PCDHA7: variants seen among roughly 807,000 people sequenced by gnomAD.
PCDHA7 encodes protocadherin alpha 7.
Under a neutral mutation model 57.2 loss-of-function variants are expected in PCDHA7, and 37 were observed. That is an observed-to-expected ratio of 0.65 (90% CI 0.50 to 0.85). PCDHA7 has a LOEUF of 0.85. Ranked by LOEUF, PCDHA7 falls within the 40% of genes least tolerant of loss-of-function variation. PCDHA7 has a pLI of 0.00. For missense variants in PCDHA7, 1,188 were observed against 1,241.8 expected (o/e 0.96, Z 0.65); for synonymous variants, 553 against 558.8 (o/e 0.99, Z 0.15).
At chr5:140,865,342 T>G (rs1437907469) in intron 1 of PCDHA7, 1 of 152,202 alleles carries the variant, frequency 6.6e-6, no homozygotes, top group Non-Finnish European at 1.5e-5. Flanking sequence ...AAAGAAATAG[T>G]ATATTTACAT....
intron 1 of PCDHA7, among the ~76,000 whole-genome samples, chr5:140,887,453 T>C (rs2061454477): frequency 6.6e-6 from 1 of 152,178 alleles, no homozygotes; most frequent in Non-Finnish European, 1.5e-5. Flanking sequence ...TGACAGTTTT[T>C]TAAAAGATAT....
chr5:140,984,168 A>C (rs1181991691), intron 3 of PCDHA7, among the ~76,000 whole-genome samples: 1 of 152,204 alleles, frequency 6.6e-6, no homozygotes, highest in Non-Finnish European at 1.5e-5. Context: ...TTCCCAAAGA[A>C]GCCACGTGAA....
chr5:140,877,776 C>A (rs2057336039), intron 1 of PCDHA7: 3 of 1,614,032 alleles, frequency 1.9e-6, no homozygotes, highest in South Asian at 1.1e-5. Context: ...CCAAGACGGA[C>A]CTCATGGCCT....
intron 3 of PCDHA7, among the ~76,000 whole-genome samples, chr5:140,996,183 T>C (rs1360004898): frequency 6.6e-6 from 1 of 152,232 alleles, no homozygotes; most frequent in African/African-American, 2.4e-5. Context: ...AGCACCTCCA[T>C]TTTATACCCT....
chr5:140,876,236 T>C (rs782328225), intron 1 of PCDHA7: 24 of 1,613,974 alleles, frequency 1.5e-5, no homozygotes, highest in Non-Finnish European at 1.4e-5. Flanking sequence ...TCTGAAAATG[T>C]CCAAAACGAC....
At chr5:140,942,821 G>A (rs2093373988) in intron 1 of PCDHA7, among the ~76,000 whole-genome samples, 1 of 151,968 alleles carries the variant, frequency 6.6e-6, no homozygotes, top group African/African-American at 2.4e-5. Flanking sequence ...GTTGGATTTG[G>A]CCCTGTGTCA....
chr5:140,977,266 A>G (rs2096753154), intron 1 of PCDHA7, among the ~76,000 whole-genome samples: 3 of 152,240 alleles, frequency 2.0e-5, no homozygotes, highest in Admixed American at 1.3e-4. Context: ...CAGATGTTAC[A>G]GTCTTTCTCA....
At position 140,869,042 on chromosome 5, in the gene PCDHA7, A is replaced by G. The variant is rs74567119; in HGVS notation, c.2355+32304A>G. On this transcript the variant is annotated intron_variant, in intron 1 of 3. Transcript: ENST00000525929. The stretch of plus-strand genomic sequence containing the variant: ...GAATTCAACGAGATTTTTAACCTGA[A>G]ACTGAAGAATCTGGTACTGTAAGTG... The G allele has an allele frequency of 9.2e-4, 1,413 of 1,529,994 alleles. 13 individuals are homozygous for G. The African/African-American group carries it at 0.016, about 18-fold the overall frequency. The allele number at this position is 1,529,994 out of a possible 1,614,324, so 94.8% of individuals were successfully genotyped here.
chr5:140,944,608 G>A (rs2093673405), intron 1 of PCDHA7, among the ~76,000 whole-genome samples: 1 of 152,176 alleles, frequency 6.6e-6, no homozygotes, highest in Non-Finnish European at 1.5e-5. Flanking sequence ...AGAGTAGTGT[G>A]CTGTAGAAGT....
chr5:140,835,779 G>GAGAACAACCCGCCGGGCTGCCACATCTT lies in PCDHA7; in HGVS notation c.1397_1424dup (p.Phe475LeufsTer133). Reference sequence around the variant, plus strand: ...GCCCGAGTATACGGTGTTCGTGAAGGAGAACAACCCGCCGGGCTGCCACAT... The same window carrying GAGAACAACCCGCCGGGCTGCCACATCTT: ...GCCCGAGTATACGGTGTTCGTGAAGGAGAACAACCCGCCGGGCTGCCACATCTTAGAACAACCCGCCGGGCTGCCACAT... On this transcript the variant is annotated frameshift_variant, in exon 1 of 4. Transcript: ENST00000525929. LOFTEE classifies it high-confidence loss of function. The GAGAACAACCCGCCGGGCTGCCACATCTT allele has an allele frequency of 6.2e-7, 1 of 1,613,360 alleles. No individual in the cohort carries two copies. Among genetic ancestry groups the GAGAACAACCCGCCGGGCTGCCACATCTT allele is most frequent in the Non-Finnish European group, 8.5e-7 (1 of 1,179,792 alleles).
intron 1 of PCDHA7, chr5:140,841,230 G>A: frequency 2.1e-6 from 3 of 1,461,326 alleles, no homozygotes; most frequent in Non-Finnish European, 2.8e-6. Context: ...AACAACGGGA[G>A]ATGCAGCGGA....
At chr5:140,847,344 C>T (rs1478232751) in intron 1 of PCDHA7, 1 of 149,742 alleles carries the variant, frequency 6.7e-6, no homozygotes, top group African/African-American at 2.4e-5. Context: ...ACCTCTTAGG[C>T]TGTTATCAGT....
chr5:140,850,186 C>T lies in PCDHA7; in HGVS notation c.2355+13448C>T, dbSNP rs2150472009. On this transcript the variant is annotated intron_variant, in intron 1 of 3. Transcript: ENST00000525929. ...CTGGACGAGAACGACAATGCGCCGG[C>T]GCTGCTGACACCTCGGATGAGGGGC... 4.4e-6 allele frequency: 7 copies of T among 1,593,614 alleles called. No homozygotes were observed. In the African/African-American group the frequency reaches 5.4e-5, roughly 12 times the overall value.
intron 1 of PCDHA7, among the ~76,000 whole-genome samples, chr5:140,909,815 C>A (rs1168197798): frequency 3.9e-5 from 6 of 152,094 alleles, no homozygotes; most frequent in Non-Finnish European, 8.8e-5. Flanking sequence ...ACTCCATAAG[C>A]CCCTACTTTA....
chr5:140,955,796 A>G (rs1432865248), intron 1 of PCDHA7, among the ~76,000 whole-genome samples: 3 of 152,004 alleles, frequency 2.0e-5, no homozygotes, highest in Non-Finnish European at 4.4e-5. Context: ...ATGTTTTTCT[A>G]TTTGTTTGTG....
chr5:140,929,245 A>G, intron 1 of PCDHA7: 1 of 1,613,774 alleles, frequency 6.2e-7, no homozygotes. Flanking sequence ...AAATCTTGCC[A>G]CTGGGGTAGG....
At chr5:140,854,909 G>C (rs1295662316) in intron 1 of PCDHA7, among the ~76,000 whole-genome samples, 1 of 149,376 alleles carries the variant, frequency 6.7e-6, no homozygotes, top group Non-Finnish European at 1.5e-5. Flanking sequence ...AATATAACAG[G>C]GTTGAAAGCA....
At chr5:140,927,818 A>C (rs1554205106) in intron 1 of PCDHA7, 1 of 1,614,190 alleles carries the variant, frequency 6.2e-7, no homozygotes, top group Admixed American at 1.7e-5. Flanking sequence ...TTGGAGGCAT[A>C]CATTGAGGCG....
intron 1 of PCDHA7, among the ~76,000 whole-genome samples, chr5:140,893,817 C>G (rs951661016): frequency 6.6e-6 from 1 of 151,980 alleles, no homozygotes; most frequent in Admixed American, 6.6e-5. Flanking sequence ...AGTCTGGTAC[C>G]GTAGACTACT....
Sources: allele counts gnomAD v4.1 joint callset (sites outside exome capture counted in the v4.1 genomes callset), GRCh38; gene constraint gnomAD v4.1.1; transcripts MANE v1.5; gene names NCBI Gene and HGNC (gene_info 2026-07-23, HGNC 2026-07-21).